HADHA: variants seen among roughly 807,000 people sequenced by gnomAD.
HADHA encodes the protein trifunctional enzyme subunit alpha, mitochondrial.
HADHA carries 59 observed loss-of-function variants against 91.3 expected under a neutral mutation model. The ratio of observed to expected loss-of-function variants is 0.65; its 90% CI spans 0.52 to 0.80. HADHA has a LOEUF of 0.80. Among genes scored for constraint, HADHA ranks in the 30% least tolerant of loss-of-function variants. The pLI, the probability that HADHA is intolerant of heterozygous loss-of-function variation, is 0.00. For synonymous variants in HADHA, 320 were observed against 338.9 expected (o/e 0.94, Z 0.61); for missense variants, 800 against 927.6 (o/e 0.86, Z 1.79).
intron 1 of HADHA, among the ~76,000 whole-genome samples, chr2:26,239,618 T>G (rs1047705092): frequency 2.6e-5 from 4 of 152,072 alleles, no homozygotes; most frequent in Non-Finnish European, 4.4e-5. Context: ...GCCAAGGCTC[T>G]TGCTGCCTCC....
At chr2:26,205,048 G>T (rs1283748237) in intron 11 of HADHA, among the ~76,000 whole-genome samples, 1 of 152,078 alleles carries the variant, frequency 6.6e-6, no homozygotes, top group Non-Finnish European at 1.5e-5. Context: ...GAACTTCTCA[G>T]GACGACTTGA....
At chr2:26,243,369 G>T (rs1277688134) in intron 1 of HADHA, 2 of 152,100 alleles carry the variant, frequency 1.3e-5, no homozygotes, top group African/African-American at 4.8e-5. Context: ...CTAACCGTAG[G>T]TAAGCATATG....
In HADHA at chr2:26,212,624, C is replaced by G; in HGVS notation, c.921G>C (p.Val307=). ...TCCCTTGCTCAATTCCAGTCTTTAC[C>G]ACCTAAAAAACATATAAAGCACTTG... The part of the protein sequence containing the change: ...LYPAPLKIID[V]VKTGIEQGSD... Residue 307 remains valine, a splice_region_variant and synonymous_variant, in exon 10 of 20, where the codon GTG becomes GTC. Transcript: ENST00000380649. 1 of 1,594,902 alleles carries G rather than the reference C, an allele frequency of 6.3e-7. No individual in the cohort carries two copies. The highest frequency in any genetic ancestry group is 8.6e-7 in the Non-Finnish European group (1 of 1,162,550).
intron 7 of HADHA, among the ~76,000 whole-genome samples, chr2:26,215,871 T>C (rs1206893852): frequency 6.6e-6 from 1 of 152,208 alleles, no homozygotes; most frequent in Non-Finnish European, 1.5e-5. Context: ...TGATGTTTAA[T>C]AGATAAGGTA....
chr2:26,238,416 T>G (rs1265520935), intron 3 of HADHA, among the ~76,000 whole-genome samples: 1 of 152,214 alleles, frequency 6.6e-6, no homozygotes, highest in Non-Finnish European at 1.5e-5. Flanking sequence ...ACACACTTTA[T>G]TGAAGCTGCC....
chr2:26,236,384 G>C (rs1291234248), intron 4 of HADHA, among the ~76,000 whole-genome samples: 2 of 68,590 alleles, frequency 2.9e-5, no homozygotes, highest in African/African-American at 1.0e-4. Context: ...TATACTCTGT[G>C]TGTGTGTGTG....
At chr2:26,216,201 T>C (rs142064003) in intron 7 of HADHA, among the ~76,000 whole-genome samples, 3 of 152,078 alleles carry the variant, frequency 2.0e-5, no homozygotes, top group East Asian at 1.9e-4. Flanking sequence ...TTGGAGGAGG[T>C]GGCTGGGGTC....
In HADHA at chr2:26,204,129, G is replaced by A. The variant is rs139485335; in HGVS notation, c.1153C>T (p.Leu385=). The change falls in exon 12 of 20, where the codon CTA becomes TTA. Residue 385 remains leucine, a synonymous_variant. Transcript: ENST00000380649. ...GIAQVSVDKG[L]KTILKDATLT... ...GTGGCATCTTTAAGTATAGTCTTTA[G>A]CCCCTTATCCACGGAGACTTGGGCG... The A allele has an allele frequency of 7.9e-5, 128 of 1,613,594 alleles. No homozygotes were observed. In the African/African-American group the frequency reaches 1.5e-3, roughly 19 times the overall value.
intron 6 of HADHA, among the ~76,000 whole-genome samples, chr2:26,231,663 G>C (rs934192150): frequency 6.6e-6 from 1 of 152,068 alleles, no homozygotes; most frequent in African/African-American, 2.4e-5. Flanking sequence ...AAAGGACCTT[G>C]ATCAATAATT....
At chr2:26,192,744 C>A (rs1262951108) in intron 17 of HADHA, among the ~76,000 whole-genome samples, 1 of 151,834 alleles carries the variant, frequency 6.6e-6, no homozygotes. Flanking sequence ...CAAAAAAAAA[C>A]AAAAAACAAA....
At chr2:26,194,030 T>C (rs1669589255) in intron 16 of HADHA, among the ~76,000 whole-genome samples, 1 of 152,234 alleles carries the variant, frequency 6.6e-6, no homozygotes, top group African/African-American at 2.4e-5. Flanking sequence ...TCTTCTTGTT[T>C]GCATTTCTGA....
In HADHA at chr2:26,210,814, C is replaced by T. The variant is rs976997137; in HGVS notation, c.976-925G>A. The T allele has an allele frequency of 1.3e-5, 2 of 152,086 alleles. No individual in the cohort carries two copies. Among genetic ancestry groups the T allele is most frequent in the African/African-American group, 4.8e-5 (2 of 41,394 alleles). 9.4% of individuals were successfully genotyped at this position (152,086 alleles called of 1,614,324 possible). On this transcript the variant is annotated intron_variant, in intron 10 of 19. Coordinates refer to ENST00000380649, the MANE Select transcript of HADHA (RefSeq NM_000182.5). This position sits in a 1 kb window ranked among gnomAD's most constrained non-coding sequence, Gnocchi z 4.0. The stretch of plus-strand genomic sequence containing the variant: ...TGCCCCATTGTGAAGCTTTCTTCAT[C>T]CTTAAAAATGGGAAAAACAATACCC...
chr2:26,230,367 C>T, intron 6 of HADHA, 73 bp from the exon 7 acceptor site: 2 of 880,488 alleles, frequency 2.3e-6, no homozygotes, highest in African/African-American at 1.6e-5. Flanking sequence ...TACAAATCAT[C>T]AAATGAACAA....
intron 7 of HADHA, among the ~76,000 whole-genome samples, chr2:26,217,335 C>G (rs966694775): frequency 2.0e-5 from 3 of 152,090 alleles, no homozygotes; most frequent in African/African-American, 7.2e-5. Flanking sequence ...TGGGCAATAT[C>G]AAATGACCTA....
intron 1 of HADHA, 144 bp downstream of exon 1, chr2:26,244,386 C>T: frequency 1.2e-6 from 1 of 823,704 alleles, no homozygotes; most frequent in Non-Finnish European, 2.0e-6. Context: ...CACGGGAAAC[C>T]GGGTCCCAGG....
rs554072942 is a variant in HADHA, at chr2:26,207,696, G to A, written c.1085+2084C>T. On this transcript the variant is annotated intron_variant, in intron 11 of 19. Coordinates refer to ENST00000380649, the MANE Select transcript of HADHA (RefSeq NM_000182.5). ...TGCTGGGTGACATGAACTTTTGAGG[G>A]TTGATTACACAGAAATGTTGTGATT... Among the ~76,000 whole-genome samples, 11 of 152,292 alleles carry A rather than the reference G, an allele frequency of 7.2e-5. No individual in the cohort carries two copies. In the South Asian group the frequency reaches 2.3e-3, roughly 32 times the overall value.
Position 26,239,129 on chromosome 2 carries a change from T to A in HADHA, c.82A>T (p.Asn28Tyr), listed in dbSNP as rs776455979. ...ILRSRGYICR[N>Y]FTGSSALLTR... ...AGCAAAGCAGAAGACCCTGTAAAAT[T>A]GCGGCATATATAACCTGTAAGAAAA... The change falls in exon 2 of 20, where the codon AAT becomes TAT. Residue 28 changes from asparagine (N) to tyrosine (Y), a missense_variant. Transcript: ENST00000380649. 10 of 1,606,724 alleles carry A rather than the reference T, an allele frequency of 6.2e-6. No individual in the cohort carries two copies. Among genetic ancestry groups the A allele is most frequent in the Non-Finnish European group, 6.8e-6 (8 of 1,173,542 alleles).
chr2:26,191,344 A>T lies in HADHA; in HGVS notation c.2198T>A (p.Leu733His). ...LYGAQKIVDRLKKYEAAYGKQ... is the reference protein window; with the variant it reads ...LYGAQKIVDRHKKYEAAYGKQ... ...TCCATAGGCAGCTTCATATTTCTTG[A>T]GCCGGTCCACTATCTTCTGGGCGCC... The change falls in exon 20 of 20, where the codon CTC becomes CAC. Residue 733 changes from leucine (L) to histidine (H), a missense_variant. By Grantham distance (99) the Leu-to-His change is moderately conservative (BLOSUM62 -3). Coordinates refer to ENST00000380649, the MANE Select transcript of HADHA (RefSeq NM_000182.5). The T allele has an allele frequency of 6.2e-7, 1 of 1,614,074 alleles. No homozygotes were observed.
chr2:26,191,463 T>G lies in HADHA; in HGVS notation c.2146+20A>C, dbSNP rs1292107834. 1 of 1,613,942 alleles carries G rather than the reference T, an allele frequency of 6.2e-7. No individual in the cohort carries two copies. The highest frequency in any genetic ancestry group is 1.3e-5 in the African/African-American group (1 of 74,896). On this transcript the variant is annotated intron_variant, in intron 19 of 19. Coordinates refer to ENST00000380649, the MANE Select transcript of HADHA (RefSeq NM_000182.5). ...GGCTCCAGGCTAAAGTGAGCTTCCTTCCCAACCTGCGAGACCAACCTCCCA... is the reference window on the plus strand; with the variant it reads ...GGCTCCAGGCTAAAGTGAGCTTCCTGCCCAACCTGCGAGACCAACCTCCCA...
Sources: gnomAD v4.1 joint callset for allele counts (sites outside exome capture counted in the v4.1 genomes callset) on GRCh38, gnomAD v4.1.1 for gene constraint, Gnocchi (gnomAD v3.1) non-coding constraint, MANE v1.5 for transcripts, NCBI Gene and HGNC (gene_info 2026-07-23, HGNC 2026-07-21) for gene names.